The following PPP2R5E variants were observed in gnomAD, a reference collection of about 807,000 sequenced individuals.
PPP2R5E encodes the protein serine/threonine-protein phosphatase 2A 56 kDa regulatory subunit epsilon isoform.
In PPP2R5E, 4 loss-of-function variants were observed where a neutral mutation model predicts 65.3. That is an observed-to-expected ratio of 0.06 (90% CI 0.03 to 0.14). PPP2R5E has a LOEUF of 0.14. Among genes scored for constraint, PPP2R5E ranks in the 10% least tolerant of loss-of-function variants. PPP2R5E has a pLI of 1.00. For missense variants in PPP2R5E, 274 were observed against 556.1 expected (o/e 0.49, Z 5.10); for synonymous variants, 183 against 187.4 (o/e 0.98, Z 0.19).
At chr14:63,492,703 T>C (rs919192062) in intron 2 of PPP2R5E, among the ~76,000 whole-genome samples, 1 of 152,188 alleles carries the variant, frequency 6.6e-6, no homozygotes, top group East Asian at 1.9e-4. Flanking sequence ...TAGGTTCTCC[T>C]TGATCATCAA....
chr14:63,416,687 T>C (rs924793710), intron 4 of PPP2R5E, among the ~76,000 whole-genome samples: 2 of 151,778 alleles, frequency 1.3e-5, no homozygotes, highest in Non-Finnish European at 2.9e-5. Context: ...GTGCATTATA[T>C]GTTAACATAA....
At chr14:63,452,798 T>G (rs1327111229) in intron 3 of PPP2R5E, 1 of 152,192 alleles carries the variant, frequency 6.6e-6, no homozygotes, top group Non-Finnish European at 1.5e-5. Context: ...ATTGGTTGAA[T>G]ACAAATGATA....
rs920775153 is a variant in PPP2R5E at position 63,414,462 on chromosome 14, C to G, written c.549+678G>C. Among the ~76,000 whole-genome samples, 3 of 152,252 alleles carry G rather than the reference C, an allele frequency of 2.0e-5. No homozygotes were observed. In the East Asian group the frequency reaches 5.8e-4, roughly 29 times the overall value. Reference sequence around the variant, plus strand: ...GCTACACCAGTTTGGCTCAAGCACCCATTTTTAGAGACGAATATATCAACA... The same window carrying G: ...GCTACACCAGTTTGGCTCAAGCACCGATTTTTAGAGACGAATATATCAACA... On this transcript the variant is annotated intron_variant, in intron 5 of 13. Transcript: ENST00000337537.
intron 8 of PPP2R5E, 54 bp from the exon 9 acceptor site, chr14:63,392,079 T>C (rs1235400228): frequency 1.1e-5 from 15 of 1,400,722 alleles, no homozygotes; most frequent in Non-Finnish European, 1.5e-5. Flanking sequence ...CAGTAAGGGC[T>C]CAAAAGATAC....
chr14:63,446,530 G>A (rs1240870094), intron 3 of PPP2R5E, among the ~76,000 whole-genome samples: 1 of 152,084 alleles, frequency 6.6e-6, no homozygotes, highest in Non-Finnish European at 1.5e-5. Context: ...TATGTCAGCA[G>A]GCATGAAAAC....
chr14:63,388,485 T>C lies in PPP2R5E; in HGVS notation c.1074+1127A>G, dbSNP rs145310252. ...AATACTTGTTCCTTGACCTCCATAATGCCAAACATCCTGCTGAAAACTGAA... is the reference window on the plus strand; with the variant it reads ...AATACTTGTTCCTTGACCTCCATAACGCCAAACATCCTGCTGAAAACTGAA... On this transcript the variant is annotated intron_variant, in intron 11 of 13. Coordinates refer to ENST00000337537, the MANE Select transcript of PPP2R5E (RefSeq NM_006246.5). Among the ~76,000 whole-genome samples, 147 of 152,200 alleles carry C rather than the reference T, an allele frequency of 9.7e-4. 1 individual carries two copies. The East Asian group carries it at 0.02, about 21-fold the overall frequency.
At chr14:63,451,799 G>C (rs868226292) in intron 3 of PPP2R5E, 2 of 151,974 alleles carry the variant, frequency 1.3e-5, no homozygotes, top group African/African-American at 2.4e-5. Flanking sequence ...GTTGATAATG[G>C]GGGAGGCTGT....
At chr14:63,481,720 T>A (rs185858292) in intron 2 of PPP2R5E, among the ~76,000 whole-genome samples, 2 of 152,212 alleles carry the variant, frequency 1.3e-5, no homozygotes, top group Admixed American at 1.3e-4. Context: ...CAATGACAAA[T>A]TCTGTTTACT....
chr14:63,373,056 G>A lies in PPP2R5E; in HGVS notation c.*2953C>T, dbSNP rs1183124498. 6.6e-6 allele frequency: 1 copy of A among 152,082 alleles called. No individual in the cohort carries two copies. Among genetic ancestry groups the A allele is most frequent in the East Asian group, 1.9e-4 (1 of 5,202 alleles). 9.4% of individuals were successfully genotyped at this position (152,082 alleles called of 1,614,324 possible). On this transcript the variant is annotated 3_prime_UTR_variant, in exon 14 of 14. Coordinates refer to ENST00000337537, the MANE Select transcript of PPP2R5E (RefSeq NM_006246.5). ...TTCACAATGAGAAACAGGAATGCAT[G>A]CTTGATTCAAAGTATGAGATGGGTG...
chr14:63,472,537 T>C (rs905067327), intron 2 of PPP2R5E, among the ~76,000 whole-genome samples: 3 of 152,230 alleles, frequency 2.0e-5, no homozygotes, highest in Non-Finnish European at 4.4e-5. Flanking sequence ...ATTTGGAGTC[T>C]AACTGAGAGT....
chr14:63,399,030 G>A (rs1014628946), intron 5 of PPP2R5E, among the ~76,000 whole-genome samples: 2 of 152,120 alleles, frequency 1.3e-5, no homozygotes, highest in Non-Finnish European at 2.9e-5. Flanking sequence ...ATATCCAGCA[G>A]AACCGAAAAC....
chr14:63,426,699 CA>C (rs1191603099), intron 3 of PPP2R5E, among the ~76,000 whole-genome samples: 3,911 of 54,748 alleles, frequency 0.071, 33 homozygotes, highest in Admixed American at 0.1. Context: ...AAAGGCTTAT[CA>C]AAAAAAAAAA....
rs769842097 is a variant in PPP2R5E, at chr14:63,395,306, G to A, written c.681-21C>T. On this transcript the variant is annotated intron_variant, in intron 6 of 13. Coordinates refer to ENST00000337537, the MANE Select transcript of PPP2R5E (RefSeq NM_006246.5). ...CAAACCTGAGAGAAGAGGAGAAAAG[G>A]GAGGAGAAAGGAGGAGAGGAGGAGG... 3.3e-6 allele frequency: 5 copies of A among 1,502,592 alleles called. No homozygotes were observed. The Admixed American group carries it at 8.4e-5, about 25-fold the overall frequency. The allele number at this position is 1,502,592 out of a possible 1,614,324, so 93.1% of individuals were successfully genotyped here.
At chr14:63,485,146 G>T (rs75908346) in intron 2 of PPP2R5E, among the ~76,000 whole-genome samples, 3,356 of 143,662 alleles carry the variant, frequency 0.023, 75 homozygotes, top group African/African-American at 0.065. Flanking sequence ...TTTTACAGAA[G>T]TTTAGCCTGT....
At chr14:63,427,476 A>G (rs1045349269) in intron 3 of PPP2R5E, among the ~76,000 whole-genome samples, 1 of 152,216 alleles carries the variant, frequency 6.6e-6, no homozygotes, top group African/African-American at 2.4e-5. Flanking sequence ...ATATTAGAAT[A>G]CACATCGGAT....
In PPP2R5E at chr14:63,421,075, A is replaced by AG. The variant is rs1886994612; in HGVS notation, c.456+917_456+918insC. 2.0e-5 allele frequency among the ~76,000 whole-genome samples: 2 copies of AG among 97,690 alleles called. 1 individual carries two copies. The highest frequency in any genetic ancestry group is 3.9e-5 in the Non-Finnish European group (2 of 51,372). 64.1% of individuals were successfully genotyped at this position (97,690 alleles called of 152,430 possible). ...CTCAAAAAAAAAAAAAAAAAAAAAAAAAAAAAAAAAAAAAGTCAACCTGAA... is the reference window on the plus strand; with the variant it reads ...CTCAAAAAAAAAAAAAAAAAAAAAAAGAAAAAAAAAAAAAAGTCAACCTGAA... On this transcript the variant is annotated intron_variant, in intron 4 of 13. Transcript: ENST00000337537.
chr14:63,451,426 A>C (rs1247843740), intron 3 of PPP2R5E: 1 of 152,262 alleles, frequency 6.6e-6, no homozygotes, highest in Non-Finnish European at 1.5e-5. Flanking sequence ...AAGGAAACTT[A>C]AGTGCATATA....
chr14:63,484,101 G>A (rs1890853987), intron 2 of PPP2R5E, among the ~76,000 whole-genome samples: 1 of 151,356 alleles, frequency 6.6e-6, no homozygotes, highest in Non-Finnish European at 1.5e-5. Flanking sequence ...AAACTCCCAA[G>A]GAGTTAGAAG....
intron 2 of PPP2R5E, among the ~76,000 whole-genome samples, chr14:63,459,468 T>C (rs1200489418): frequency 6.6e-6 from 1 of 152,216 alleles, no homozygotes; most frequent in South Asian, 2.1e-4. Context: ...AATCAAATAA[T>C]AGACTTCATG....
Sources: allele counts gnomAD v4.1 joint callset (sites outside exome capture counted in the v4.1 genomes callset), GRCh38; gene constraint gnomAD v4.1.1; transcripts MANE v1.5; gene names NCBI Gene and HGNC (gene_info 2026-07-23, HGNC 2026-07-21).